The following EPB41L3 variants were observed in gnomAD, a reference collection of about 807,000 sequenced individuals.
EPB41L3 encodes erythrocyte membrane protein band 4.1 like 3, also known as band 4.1-like protein 3.
Under a neutral mutation model 127.1 loss-of-function variants are expected in EPB41L3, and 57 were observed. The ratio of observed to expected loss-of-function variants is 0.45; its 90% CI spans 0.36 to 0.56. The LOEUF is 0.56. Ranked by LOEUF, EPB41L3 falls within the 20% of genes least tolerant of loss-of-function variation. The pLI is 0.00. For synonymous variants in EPB41L3, 572 were observed against 549.5 expected (o/e 1.04, Z -0.57); for missense variants, 1,273 against 1,372.2 (o/e 0.93, Z 1.14).
chr18:5,586,752 T>C (rs1056023442), intron 3 of EPB41L3, among the ~76,000 whole-genome samples: 4 of 152,134 alleles, frequency 2.6e-5, no homozygotes, highest in African/African-American at 9.7e-5. Flanking sequence ...TAGGAGTTCA[T>C]GTATTGTAAT....
intron 3 of EPB41L3, among the ~76,000 whole-genome samples, chr18:5,576,178 A>G (rs2149270095): frequency 6.6e-6 from 1 of 152,360 alleles, no homozygotes; most frequent in Admixed American, 6.5e-5. Context: ...TTATCGAAAA[A>G]TTAGACATTT....
intron 22 of EPB41L3, 150 bp from the exon 23 acceptor site, chr18:5,393,628 T>C: frequency 1.8e-6 from 1 of 541,604 alleles, no homozygotes; most frequent in South Asian, 2.6e-5. Context: ...GCCAATTACA[T>C]GCTTTCTCTT....
At chr18:5,593,764 G>A (rs1005995311) in intron 3 of EPB41L3, among the ~76,000 whole-genome samples, 3 of 152,166 alleles carry the variant, frequency 2.0e-5, no homozygotes, top group African/African-American at 4.8e-5. Context: ...GGCCATTTTA[G>A]AGGCCCACCT....
At chr18:5,580,527 A>G (rs1439657174) in intron 3 of EPB41L3, among the ~76,000 whole-genome samples, 3 of 152,176 alleles carry the variant, frequency 2.0e-5, no homozygotes, top group African/African-American at 7.2e-5. Context: ...TTCACATGCA[A>G]ATATGTATAC....
At chr18:5,590,317 C>G (rs1256453718) in intron 3 of EPB41L3, among the ~76,000 whole-genome samples, 2 of 152,168 alleles carry the variant, frequency 1.3e-5, no homozygotes, top group Non-Finnish European at 2.9e-5. Flanking sequence ...TACCAAGGGT[C>G]TGTTCCTTTC....
At chr18:5,519,524 G>C (rs1391326176) in intron 1 of EPB41L3, among the ~76,000 whole-genome samples, 1 of 152,190 alleles carries the variant, frequency 6.6e-6, no homozygotes, top group Non-Finnish European at 1.5e-5. Flanking sequence ...AGAAGTTGGT[G>C]CCTTTCAAAC....
At position 5,423,483 on chromosome 18, in the gene EPB41L3, T is replaced by A; in HGVS notation, c.1234A>T (p.Thr412Ser). The change falls in exon 11 of 23, where the codon ACA becomes TCA. Residue 412 changes from threonine to serine, a missense_variant. By Grantham distance (58) the Thr-to-Ser change is moderately conservative (BLOSUM62 1). Coordinates refer to ENST00000341928, the MANE Select transcript of EPB41L3 (RefSeq NM_012307.5). ...CTGGCTCTTCTCGTTTGCGCTTGTG[T>A]CCTGCCACTATAACGAAACTTGGAA... Reference protein sequence around the residue: ...LGSKFRYSGRTQAQTRRASAL... With the variant: ...LGSKFRYSGRSQAQTRRASAL... The A allele has an allele frequency of 6.2e-7, 1 of 1,613,864 alleles. No individual in the cohort carries two copies. Among genetic ancestry groups the A allele is most frequent in the Non-Finnish European group, 8.5e-7 (1 of 1,179,850 alleles).
chr18:5,557,346 A>T (rs1308051006), intron 3 of EPB41L3, among the ~76,000 whole-genome samples: 1 of 152,192 alleles, frequency 6.6e-6, no homozygotes, highest in Non-Finnish European at 1.5e-5. Flanking sequence ...CACACAATTC[A>T]AAAAAGTTTA....
chr18:5,415,699 G>T, intron 13 of EPB41L3, 119 bp downstream of exon 13: 3 of 1,080,738 alleles, frequency 2.8e-6, no homozygotes, highest in African/African-American at 1.6e-5. Context: ...TCAACATATT[G>T]GCACAGACAA....
chr18:5,472,788 T>G (rs1417450476), intron 3 of EPB41L3, among the ~76,000 whole-genome samples: 1 of 152,158 alleles, frequency 6.6e-6, no homozygotes, highest in East Asian at 1.9e-4. Context: ...CAGTGTAAGA[T>G]TTACACAATT....
chr18:5,630,663 T>C (rs1342569257), upstream of EPB41L3: 1 of 349,020 alleles, frequency 2.9e-6, no homozygotes, highest in Non-Finnish European at 5.5e-6. Flanking sequence ...CGGGCGCCTG[T>C]GACAGCCCGC....
At chr18:5,587,512 C>G (rs551286040) in intron 3 of EPB41L3, among the ~76,000 whole-genome samples, 1 of 152,226 alleles carries the variant, frequency 6.6e-6, no homozygotes, top group Non-Finnish European at 1.5e-5. Context: ...GGGTTCAGTA[C>G]TATCTGAGGT....
At chr18:5,535,809 C>T (rs764900598) in intron 1 of EPB41L3, among the ~76,000 whole-genome samples, 1 of 152,156 alleles carries the variant, frequency 6.6e-6, no homozygotes. Context: ...ACATCCCTGA[C>T]GAGGTGGCAT....
chr18:5,516,576 C>T (rs1042229364), intron 1 of EPB41L3, among the ~76,000 whole-genome samples: 39 of 152,230 alleles, frequency 2.6e-4, no homozygotes, highest in Admixed American at 9.2e-4. Context: ...TGTGAACTTC[C>T]AGCATTTCCT....
chr18:5,513,652 C>T (rs186588882), intron 1 of EPB41L3, among the ~76,000 whole-genome samples: 1 of 152,134 alleles, frequency 6.6e-6, no homozygotes, highest in African/African-American at 2.4e-5. Context: ...CTTTTCTGAG[C>T]CTTGGCTTAG....
chr18:5,589,397 C>G (rs919015148), intron 3 of EPB41L3, among the ~76,000 whole-genome samples: 2 of 149,994 alleles, frequency 1.3e-5, no homozygotes, highest in Non-Finnish European at 3.0e-5. Context: ...TTATTTATCT[C>G]TTAACTCAAG....
chr18:5,474,167 C>T (rs1413674718), intron 3 of EPB41L3, among the ~76,000 whole-genome samples: 1 of 151,516 alleles, frequency 6.6e-6, no homozygotes, highest in African/African-American at 2.4e-5. Context: ...GGAGGCGGAG[C>T]TTGCAGTGAG....
intron 16 of EPB41L3, among the ~76,000 whole-genome samples, chr18:5,404,196 G>C (rs1476846153): frequency 6.6e-6 from 1 of 152,148 alleles, no homozygotes; most frequent in Non-Finnish European, 1.5e-5. Context: ...CTTTTCCCCT[G>C]GGACTTGAAG....
intron 1 of EPB41L3, among the ~76,000 whole-genome samples, chr18:5,535,119 T>C (rs2093531592): frequency 6.6e-6 from 1 of 152,134 alleles, no homozygotes; most frequent in Non-Finnish European, 1.5e-5. Context: ...GTGAGGGATC[T>C]AGGTTGTGCA....
Sources: gnomAD v4.1 joint callset for allele counts (sites outside exome capture counted in the v4.1 genomes callset) on GRCh38, gnomAD v4.1.1 for gene constraint, MANE v1.5 for transcripts, NCBI Gene and HGNC (gene_info 2026-07-23, HGNC 2026-07-21) for gene names.